ULK4: variants seen among roughly 807,000 people sequenced by gnomAD.
ULK4 encodes unc-51 like kinase 4, also known as inactive serine/threonine-protein kinase ULK4.
ULK4 carries 133 observed loss-of-function variants against 160.6 expected under a neutral mutation model. That is an observed-to-expected ratio of 0.83 (90% confidence interval 0.72 to 0.96). The LOEUF (loss-of-function observed/expected upper bound fraction) is 0.96, where lower values mean the gene tolerates loss of function less well. Ranked by LOEUF, ULK4 falls within the 40% of genes least tolerant of loss-of-function variation. The pLI is 0.00. For missense variants in ULK4, 1,580 were observed against 1,499.5 expected, an observed-to-expected ratio of 1.05 and a Z score of -0.89; for synonymous variants, 534 against 539.8, an observed-to-expected ratio of 0.99 and a Z score of 0.15.
intron 30 of ULK4, among the ~76,000 whole-genome samples, chr3:41,628,361 C>G (rs1342244265): frequency 6.6e-6 from 1 of 152,134 alleles, no homozygotes; most frequent in African/African-American, 2.4e-5. Flanking sequence ...CTGGCAAACA[C>G]CACAAAGGGA....
At chr3:41,721,801 G>T (rs891011117) in intron 22 of ULK4, among the ~76,000 whole-genome samples, 10 of 152,114 alleles carry the variant, frequency 6.6e-5, no homozygotes, top group African/African-American at 2.2e-4. Context: ...CAGACAGCCC[G>T]ATTTGTAAGA....
At chr3:41,572,188 C>A (rs1452021386) in intron 31 of ULK4, among the ~76,000 whole-genome samples, 1 of 152,086 alleles carries the variant, frequency 6.6e-6, no homozygotes, top group East Asian at 1.9e-4. Context: ...AAACCTTGCC[C>A]CTAATCACCA....
chr3:41,952,149 T>C (rs897607582), intron 2 of ULK4, among the ~76,000 whole-genome samples: 2 of 152,138 alleles, frequency 1.3e-5, no homozygotes, highest in African/African-American at 4.8e-5. Context: ...CAATGATTTT[T>C]GGATATTTGC....
chr3:41,486,526 G>A (rs532233971), intron 32 of ULK4, among the ~76,000 whole-genome samples: 1 of 152,194 alleles, frequency 6.6e-6, no homozygotes, highest in African/African-American at 2.4e-5. Flanking sequence ...AGACTGAACG[G>A]TGTCAGGTAT....
At chr3:41,699,645 T>C (rs1056013651) in intron 27 of ULK4, among the ~76,000 whole-genome samples, 1 of 152,186 alleles carries the variant, frequency 6.6e-6, no homozygotes, top group African/African-American at 2.4e-5. Flanking sequence ...TCAGCAAGAA[T>C]CAAATGCATT....
chr3:41,696,319 T>A (rs2036498442), intron 27 of ULK4, among the ~76,000 whole-genome samples: 2 of 152,160 alleles, frequency 1.3e-5, no homozygotes, highest in African/African-American at 4.8e-5. Flanking sequence ...TTAGTGAAAG[T>A]ACTAAAAGTT....
intron 19 of ULK4, among the ~76,000 whole-genome samples, chr3:41,806,716 T>G (rs1234711890): frequency 1.3e-5 from 2 of 152,220 alleles, no homozygotes; most frequent in African/African-American, 4.8e-5. Context: ...AAGAACATCT[T>G]TATTTTAGGC....
rs1266315173 is a variant in ULK4, at chr3:41,919,812, G to A, written c.548C>T (p.Pro183Leu). The change falls in exon 6 of 37, where the codon CCT becomes CTT. Residue 183 changes from proline (P) to leucine (L), a missense_variant. Pro to Leu is a moderately conservative substitution (Grantham distance 98). Coordinates refer to ENST00000301831, the MANE Select transcript of ULK4 (RefSeq NM_017886.4). ...KSMKSRVKGS[P>L]VYTAPEVVRG... ...CACAACTTCTGGTGCTGTATATACAGGAGATCCTAAAAGCAAAGTATGAAG... is the reference window on the plus strand; with the variant it reads ...CACAACTTCTGGTGCTGTATATACAAGAGATCCTAAAAGCAAAGTATGAAG... 7 of 1,610,310 alleles carry A rather than the reference G, an allele frequency of 4.3e-6. No individual in the cohort carries two copies. The highest frequency in any genetic ancestry group is 5.1e-6 in the Non-Finnish European group (6 of 1,177,434).
At chr3:41,330,944 G>A (rs567501615) in intron 35 of ULK4, among the ~76,000 whole-genome samples, 1 of 152,278 alleles carries the variant, frequency 6.6e-6, no homozygotes, top group South Asian at 2.1e-4. Context: ...CTGCAGCTTA[G>A]CATTTGGCAT....
intron 17 of ULK4, among the ~76,000 whole-genome samples, chr3:41,859,831 T>G (rs1469126224): frequency 1.1e-4 from 16 of 148,354 alleles, no homozygotes; most frequent in African/African-American, 3.7e-4. Context: ...CTAATTTTTT[T>G]TTTTTTTTTT....
At chr3:41,823,718 C>A (rs759035845) in intron 18 of ULK4, among the ~76,000 whole-genome samples, 1 of 152,134 alleles carries the variant, frequency 6.6e-6, no homozygotes, top group Non-Finnish European at 1.5e-5. Flanking sequence ...ACTGACAATT[C>A]CACAAAGCCC....
chr3:41,900,074 A>G (rs1325292218), intron 13 of ULK4, among the ~76,000 whole-genome samples: 2 of 152,194 alleles, frequency 1.3e-5, no homozygotes, highest in Non-Finnish European at 2.9e-5. Context: ...TCAAGACAAA[A>G]CAGAGGGACT....
At chr3:41,331,142 T>C (rs926519751) in intron 35 of ULK4, among the ~76,000 whole-genome samples, 6 of 152,172 alleles carry the variant, frequency 3.9e-5, no homozygotes, top group Non-Finnish European at 7.3e-5. Flanking sequence ...CTGTTAGCAC[T>C]GTAGGTCTGG....
intron 34 of ULK4, among the ~76,000 whole-genome samples, chr3:41,428,976 C>A (rs774364171): frequency 6.6e-6 from 1 of 151,770 alleles, no homozygotes; most frequent in Non-Finnish European, 1.5e-5. Context: ...AGACAACCTA[C>A]AGAATGGGAG....
At chr3:41,902,285 A>C (rs1421184282) in intron 12 of ULK4, among the ~76,000 whole-genome samples, 2 of 152,206 alleles carry the variant, frequency 1.3e-5, no homozygotes, top group Admixed American at 1.3e-4. Context: ...AAAGACAAGA[A>C]AACACAAAAA....
chr3:41,598,067 G>A (rs554902924), intron 31 of ULK4, among the ~76,000 whole-genome samples: 1 of 152,266 alleles, frequency 6.6e-6, no homozygotes, highest in East Asian at 1.9e-4. Flanking sequence ...GAGTTCTAAG[G>A]CCCCTTGGGG....
chr3:41,500,402 G>A (rs2700442), intron 32 of ULK4, among the ~76,000 whole-genome samples: 125,968 of 151,580 alleles, frequency 0.83, 53,886 homozygotes, highest in Non-Finnish European at 0.94. Context: ...TCATTGGTCT[G>A]AAGTGGGGCC....
intron 17 of ULK4, among the ~76,000 whole-genome samples, chr3:41,839,831 TC>T (rs869129721): frequency 6.6e-6 from 1 of 151,298 alleles, no homozygotes; most frequent in African/African-American, 2.4e-5. Context: ...CCATTTACAA[TC>T]CCCCCCAAAA....
At chr3:41,531,396 A>G (rs142835726) in intron 32 of ULK4, among the ~76,000 whole-genome samples, 5,090 of 133,918 alleles carry the variant, frequency 0.038, 205 homozygotes, top group African/African-American at 0.1. Flanking sequence ...AGCCGAGATC[A>G]CTCCACTGTA....
Sources: allele counts gnomAD v4.1 joint callset (sites outside exome capture counted in the v4.1 genomes callset), GRCh38; gene constraint gnomAD v4.1.1; transcripts MANE v1.5; gene names NCBI Gene and HGNC (gene_info 2026-07-23, HGNC 2026-07-21).